MKLN1: variants seen among roughly 807,000 people sequenced by gnomAD.
MKLN1 encodes muskelin 1.
A neutral mutation model predicts 99.0 loss-of-function variants in MKLN1; 18 were observed. The ratio of observed to expected loss-of-function variants is 0.18; its 90% CI spans 0.13 to 0.27. The LOEUF is 0.27. Among genes scored for constraint, MKLN1 ranks in the 10% least tolerant of loss-of-function variants. The pLI, the probability that MKLN1 is intolerant of heterozygous loss-of-function variation, is 1.00. For missense variants in MKLN1, 621 were observed against 875.9 expected (o/e 0.71, Z 3.67); for synonymous variants, 288 against 293.2 (o/e 0.98, Z 0.18).
intron 12 of MKLN1, among the ~76,000 whole-genome samples, chr7:131,454,716 A>G (rs1048883046): frequency 2.6e-5 from 4 of 152,234 alleles, no homozygotes; most frequent in African/African-American, 7.2e-5. Context: ...ATGTGACACA[A>G]TTCTGGCCAA....
intron 2 of MKLN1, among the ~76,000 whole-genome samples, chr7:131,377,759 A>G (rs1021334390): frequency 6.6e-6 from 1 of 152,160 alleles, no homozygotes; most frequent in African/African-American, 2.4e-5. Context: ...ATGGAGTGCC[A>G]AACTTTAGGT....
At chr7:131,376,512 C>T (rs1793669724) in intron 2 of MKLN1, among the ~76,000 whole-genome samples, 1 of 151,180 alleles carries the variant, frequency 6.6e-6, no homozygotes, top group Admixed American at 6.6e-5. Flanking sequence ...TGTGGTGGCA[C>T]ACGCCTATAG....
At chr7:131,471,029 G>T in intron 16 of MKLN1, 85 bp downstream of exon 16, 3 of 918,424 alleles carry the variant, frequency 3.3e-6, no homozygotes, top group Non-Finnish European at 5.0e-6. Flanking sequence ...GCTCTTGAGT[G>T]TGTAAAGGAA....
chr7:131,215,719 G>T (rs1388227064), intron 3 of MKLN1, among the ~76,000 whole-genome samples: 1 of 152,196 alleles, frequency 6.6e-6, no homozygotes, highest in Admixed American at 6.5e-5. Context: ...AGGAGAGTTT[G>T]TCTTTTCTTT....
chr7:131,213,012 C>T (rs1023826290), intron 3 of MKLN1, among the ~76,000 whole-genome samples: 1 of 151,902 alleles, frequency 6.6e-6, no homozygotes, highest in African/African-American at 2.4e-5. Context: ...TCTTACAATA[C>T]ATTTGAGGCC....
chr7:131,454,232 A>G (rs776015188), intron 12 of MKLN1, among the ~76,000 whole-genome samples: 15 of 152,326 alleles, frequency 9.8e-5, no homozygotes, highest in African/African-American at 3.4e-4. Flanking sequence ...AAGGAGAAAA[A>G]ATCTGAAGAC....
intron 12 of MKLN1, among the ~76,000 whole-genome samples, chr7:131,453,517 T>C (rs917022754): frequency 2.6e-5 from 4 of 152,156 alleles, no homozygotes; most frequent in African/African-American, 9.7e-5. Context: ...GGCAAGACTC[T>C]TTCTCTTTAA....
intron 3 of MKLN1, among the ~76,000 whole-genome samples, chr7:131,275,400 A>T: frequency 1.0e-5 from 1 of 96,410 alleles, no homozygotes; most frequent in Non-Finnish European, 1.9e-5. Flanking sequence ...ACGGAGTCTT[A>T]CTCTGTCTCC....
At chr7:131,437,760 A>T (rs759148344) in intron 9 of MKLN1, 25 bp from the exon 10 acceptor site, 4 of 1,516,016 alleles carry the variant, frequency 2.6e-6, no homozygotes, top group Non-Finnish European at 3.6e-6. Flanking sequence ...TTGTTTATTT[A>T]TTTATTTTCT....
intron 1 of MKLN1, among the ~76,000 whole-genome samples, chr7:131,123,275 G>T (rs143770111): frequency 1.1e-4 from 17 of 152,192 alleles, no homozygotes; most frequent in Non-Finnish European, 1.5e-4. Context: ...TCTATAAAGG[G>T]CCAGAAAGGA....
At chr7:131,197,145 T>C (rs1796658711) in intron 2 of MKLN1, among the ~76,000 whole-genome samples, 1 of 152,104 alleles carries the variant, frequency 6.6e-6, no homozygotes, top group Non-Finnish European at 1.5e-5. Flanking sequence ...TCTTCCAAAA[T>C]AGTGCATTAC....
At chr7:131,457,265 G>A (rs562835273) in intron 12 of MKLN1, among the ~76,000 whole-genome samples, 21 of 146,064 alleles carry the variant, frequency 1.4e-4, no homozygotes, top group African/African-American at 4.6e-4. Context: ...CAACAAGAGC[G>A]AAACTCCATC....
chr7:131,392,211 T>G (rs1157681103), intron 4 of MKLN1, among the ~76,000 whole-genome samples: 1 of 152,114 alleles, frequency 6.6e-6, no homozygotes, highest in Non-Finnish European at 1.5e-5. Flanking sequence ...AGGTACAGGG[T>G]CTTGGAAGGA....
intron 12 of MKLN1, among the ~76,000 whole-genome samples, chr7:131,450,542 G>A (rs1796148941): frequency 6.6e-6 from 1 of 151,964 alleles, no homozygotes; most frequent in Non-Finnish European, 1.5e-5. Flanking sequence ...TTTATGATGT[G>A]CCCCATTTTA....
At chr7:131,156,447 CAAAAAAA>C (rs143988738) in intron 2 of MKLN1, among the ~76,000 whole-genome samples, 2 of 74,672 alleles carry the variant, frequency 2.7e-5, no homozygotes, top group African/African-American at 1.1e-4. Flanking sequence ...GACTCTGTCT[CAAAAAAA>C]AAAAAAAAAA....
At chr7:131,321,795 A>T (rs1798781130) in intron 3 of MKLN1, among the ~76,000 whole-genome samples, 1 of 152,204 alleles carries the variant, frequency 6.6e-6, no homozygotes, top group Non-Finnish European at 1.5e-5. Flanking sequence ...GAGGTGCAAC[A>T]CAGTCCTCAC....
At chr7:131,145,968 A>T (rs900438722) in intron 2 of MKLN1, among the ~76,000 whole-genome samples, 1 of 152,240 alleles carries the variant, frequency 6.6e-6, no homozygotes, top group Non-Finnish European at 1.5e-5. Flanking sequence ...TTATAATAGC[A>T]AACACATAGT....
intron 1 of MKLN1, among the ~76,000 whole-genome samples, chr7:131,369,000 TCACACACACA>T (rs57537888): frequency 6.7e-6 from 1 of 149,662 alleles, no homozygotes; most frequent in South Asian, 2.1e-4. Flanking sequence ...ATCTGTATAA[TCACACACACA>T]CACACACACA....
At chr7:131,479,914 C>T (rs1242305365) in intron 17 of MKLN1, among the ~76,000 whole-genome samples, 1 of 148,634 alleles carries the variant, frequency 6.7e-6, no homozygotes, top group Non-Finnish European at 1.5e-5. Context: ...ATCCCAACTA[C>T]TCGGGAGGCT....
Sources: allele counts gnomAD v4.1 joint callset (sites outside exome capture counted in the v4.1 genomes callset), GRCh38; gene constraint gnomAD v4.1.1; transcripts MANE v1.5; gene names NCBI Gene and HGNC (gene_info 2026-07-23, HGNC 2026-07-21).